The following SNX19 variants were observed in gnomAD, a reference collection of about 807,000 sequenced individuals.
SNX19 encodes sorting nexin-19.
SNX19 carries 60 observed loss-of-function variants against 85.2 expected under a neutral mutation model. That is an observed-to-expected ratio of 0.70 (90% confidence interval 0.57 to 0.87). The LOEUF (loss-of-function observed/expected upper bound fraction) is 0.87, where lower values mean the gene tolerates loss of function less well. Among genes scored for constraint, SNX19 ranks in the 40% least tolerant of loss-of-function variants. The probability of loss-of-function intolerance (pLI) is 0.00; values close to 1 mark genes in which losing one functional copy is unlikely to be tolerated. For synonymous variants in SNX19, 520 were observed against 470.0 expected (o/e 1.11, Z -1.38); for missense variants, 1,201 against 1,217.8 (o/e 0.99, Z 0.21).
Position 130,914,825 on chromosome 11 carries a change from T to A in SNX19, c.1115A>T (p.Glu372Val). The A allele has an allele frequency of 6.2e-7, 1 of 1,614,224 alleles. No individual in the cohort carries two copies. The highest frequency in any genetic ancestry group is 8.5e-7 in the Non-Finnish European group (1 of 1,180,038). The change falls in exon 1 of 11, where the codon GAG becomes GTG. Residue 372 changes from glutamate (E) to valine (V), a missense_variant. Physicochemically the swap from Glu to Val is moderately radical, Grantham distance 121. This residue lies in a region of SNX19 where 791 missense variants were observed against 750.9 expected (regional missense o/e 1.05). Transcript: ENST00000265909. The stretch of plus-strand genomic sequence containing the variant: ...CAGTTCAGACAGCGGAGACTCCAGC[T>A]CTGAGTCTTCACATAAGAACAGGGG... ...RGPLFLCEDSELESPLSELGK... is the reference protein window; with the variant it reads ...RGPLFLCEDSVLESPLSELGK...
intron 3 of SNX19, 49 bp from the exon 4 acceptor site, chr11:130,910,186 A>G (rs658597): frequency 1.2e-6 from 2 of 1,613,854 alleles, no homozygotes; most frequent in South Asian, 2.2e-5. Context: ...TCCAGTCCCC[A>G]AATCTCTCCA....
At chr11:130,888,615 T>C (rs1944264876) in intron 8 of SNX19, among the ~76,000 whole-genome samples, 1 of 152,188 alleles carries the variant, frequency 6.6e-6, no homozygotes, top group Admixed American at 6.5e-5. Flanking sequence ...TTCACAAACA[T>C]CTATTTCGTC....
At chr11:130,889,490 C>T (rs563175320) in intron 8 of SNX19, among the ~76,000 whole-genome samples, 2 of 150,774 alleles carry the variant, frequency 1.3e-5, no homozygotes, top group Admixed American at 1.3e-4. Flanking sequence ...CACAAATAAA[C>T]AATCAAATAT....
chr11:130,912,624 C>T (rs1279766053), intron 1 of SNX19, among the ~76,000 whole-genome samples: 1 of 152,170 alleles, frequency 6.6e-6, no homozygotes, highest in Non-Finnish European at 1.5e-5. Flanking sequence ...GAAAAAACTA[C>T]CTCCTCGTTG....
At position 130,874,216 on chromosome 11, in the gene SNX19, G is replaced by A. The variant is rs1286359561; in HGVS notation, c.*4206C>T. Among the ~76,000 whole-genome samples the A allele has an allele frequency of 6.6e-6, 1 of 152,074 alleles. No homozygotes were observed. The highest frequency in any genetic ancestry group is 1.5e-5 in the Non-Finnish European group (1 of 68,006). ...TTTTTATATTTTTTGTAGAGACAGG[G>A]TCTTGCTATGTTCCAGGCTGGTCTT... On this transcript the variant is annotated 3_prime_UTR_variant, in exon 11 of 11. Coordinates refer to ENST00000265909, the MANE Select transcript of SNX19 (RefSeq NM_014758.3).
At chr11:130,881,758 C>G (rs1460107871) in intron 8 of SNX19, among the ~76,000 whole-genome samples, 1 of 152,242 alleles carries the variant, frequency 6.6e-6, no homozygotes. Flanking sequence ...TCCATGAAAT[C>G]CTTGACCATC....
intron 8 of SNX19, among the ~76,000 whole-genome samples, chr11:130,886,454 G>A (rs1236510402): frequency 2.6e-5 from 4 of 152,098 alleles, no homozygotes; most frequent in Non-Finnish European, 4.4e-5. Flanking sequence ...TAGGAGTTCC[G>A]AGAGAAAGTA....
intron 8 of SNX19, chr11:130,903,024 C>G (rs1162097283): frequency 2.1e-6 from 1 of 480,244 alleles, no homozygotes; most frequent in African/African-American, 2.0e-5. Flanking sequence ...ACAGTGTCTG[C>G]AACTCAGTAC....
rs764333488 is a variant in SNX19, at chr11:130,906,610, G to C, written c.2262+15C>G. The C allele has an allele frequency of 1.9e-6, 3 of 1,579,386 alleles. No homozygotes were observed. In the Admixed American group the frequency reaches 5.0e-5, roughly 26 times the overall value. ...AGATATTTTTGCCTCACATTCTCTG[G>C]GTTTTGGTTCTTACCACATTGCCTT... On this transcript the variant is annotated intron_variant, in intron 6 of 10. Transcript: ENST00000265909.
intron 5 of SNX19, 67 bp from the exon 6 acceptor site, chr11:130,906,788 G>C: frequency 1.8e-6 from 2 of 1,114,466 alleles, no homozygotes; most frequent in South Asian, 2.5e-5. Context: ...CTAAGGGCTG[G>C]CAAGTACTGA....
rs1344329409 is a variant in SNX19 at position 130,876,020 on chromosome 11, T to G, written c.*2402A>C. ...CAATGGCAAAGATCACATTTAGAAT[T>G]TGACAGAAAGAACACAGCATCCCTG... On this transcript the variant is annotated 3_prime_UTR_variant, in exon 11 of 11. Transcript: ENST00000265909. 1 of 152,132 alleles carries G rather than the reference T, an allele frequency of 6.6e-6. No individual in the cohort carries two copies. The highest frequency in any genetic ancestry group is 6.5e-5 in the Admixed American group (1 of 15,276). 9.4% of individuals were successfully genotyped at this position (152,132 alleles called of 1,614,324 possible).
At chr11:130,887,590 T>C (rs1944181405) in intron 8 of SNX19, among the ~76,000 whole-genome samples, 1 of 152,174 alleles carries the variant, frequency 6.6e-6, no homozygotes, top group South Asian at 2.1e-4. Context: ...TAATCTAAAT[T>C]CATTGAAGAT....
chr11:130,907,944 G>T lies in SNX19; in HGVS notation c.2165+9C>A, dbSNP rs752370326. 1.1e-5 allele frequency: 17 copies of T among 1,613,236 alleles called. No individual in the cohort carries two copies. Among genetic ancestry groups the T allele is most frequent in the Non-Finnish European group, 1.4e-5 (17 of 1,179,884 alleles). The stretch of plus-strand genomic sequence containing the variant: ...GGGAAAGGTCCCTGGGTAACTGAGG[G>T]CTTCTCACTTGCTAGCCTTCTTGCC... On this transcript the variant is annotated intron_variant, in intron 5 of 10. Coordinates refer to ENST00000265909, the MANE Select transcript of SNX19 (RefSeq NM_014758.3).
intron 8 of SNX19, among the ~76,000 whole-genome samples, chr11:130,895,941 T>C (rs923099353): frequency 6.6e-6 from 1 of 152,198 alleles, no homozygotes; most frequent in Non-Finnish European, 1.5e-5. Flanking sequence ...GCCCAGTCTA[T>C]AGAAGTCAAG....
intron 7 of SNX19, 65 bp downstream of exon 7, chr11:130,905,888 C>T: frequency 6.2e-7 from 1 of 1,613,242 alleles, no homozygotes; most frequent in South Asian, 1.1e-5. Context: ...CTCCAACTAC[C>T]CCAAGTACCA....
chr11:130,888,874 A>G (rs1331973416), intron 8 of SNX19, among the ~76,000 whole-genome samples: 1 of 152,156 alleles, frequency 6.6e-6, no homozygotes, highest in African/African-American at 2.4e-5. Context: ...TTTCATTTCT[A>G]TTTTGGTCGC....
chr11:130,907,916 C>T (rs763114645), intron 5 of SNX19, 37 bp downstream of exon 5: 1 of 1,609,514 alleles, frequency 6.2e-7, no homozygotes, highest in East Asian at 2.2e-5. Flanking sequence ...AATTTGAGAA[C>T]TGGGGAAAGG....
At chr11:130,901,739 A>AT (rs1945271157) in intron 8 of SNX19, 1 of 152,202 alleles carries the variant, frequency 6.6e-6, no homozygotes, top group Admixed American at 6.5e-5. Flanking sequence ...GAGCCCCAGT[A>AT]TATTAAACTG....
In SNX19 at chr11:130,903,398, T is replaced by A. The variant is rs545093789; in HGVS notation, c.2444-14A>T. 6.2e-7 allele frequency: 1 copy of A among 1,611,662 alleles called. No individual in the cohort carries two copies. Among genetic ancestry groups the A allele is most frequent in the Non-Finnish European group, 8.5e-7 (1 of 1,179,652 alleles). ...CTGTCTCTGTTCCTGAGGGATAAAA[T>A]GGCATCAGGAGTAACTCAGAAGAGA... On this transcript the variant is annotated splice_polypyrimidine_tract_variant and intron_variant, in intron 7 of 10. Transcript: ENST00000265909.
Sources: allele counts gnomAD v4.1 joint callset (sites outside exome capture counted in the v4.1 genomes callset), GRCh38; gene constraint gnomAD v4.1.1; regional missense constraint gnomAD v4.1.1; transcripts MANE v1.5; gene names NCBI Gene and HGNC (gene_info 2026-07-23, HGNC 2026-07-21).